The following SKAP1 variants were observed in gnomAD, a reference collection of about 807,000 sequenced individuals.
The protein encoded by SKAP1 is src kinase-associated phosphoprotein 1.
Under a neutral mutation model 58.5 loss-of-function variants are expected in SKAP1, and 44 were observed. That is an observed-to-expected ratio of 0.75 (90% confidence interval 0.59 to 0.97). SKAP1 has a LOEUF of 0.97. SKAP1 is among the 50% of genes least tolerant of loss of function. SKAP1 has a pLI of 0.00. For missense variants in SKAP1, 390 were observed against 435.2 expected, an observed-to-expected ratio of 0.90 and a Z score of 0.92; for synonymous variants, 127 against 149.7, an observed-to-expected ratio of 0.85 and a Z score of 1.11.
intron 1 of SKAP1, among the ~76,000 whole-genome samples, chr17:48,418,941 G>A (rs1414944090): frequency 6.6e-6 from 1 of 152,082 alleles, no homozygotes; most frequent in Non-Finnish European, 1.5e-5. Context: ...AGGTGGTGTG[G>A]GTGTATATTG....
At chr17:48,205,062 TTCTC>T (rs1288034520) in intron 4 of SKAP1, among the ~76,000 whole-genome samples, 14 of 111,476 alleles carry the variant, frequency 1.3e-4, no homozygotes, top group South Asian at 6.2e-4. Flanking sequence ...TCTTTCTTCT[TTCTC>T]TCTCTCTCTT....
intron 4 of SKAP1, among the ~76,000 whole-genome samples, chr17:48,338,633 C>T (rs955426434): frequency 6.6e-6 from 1 of 152,096 alleles, no homozygotes; most frequent in African/African-American, 2.4e-5. Flanking sequence ...GTCCAGCTAT[C>T]AACACATGTG....
chr17:48,299,144 C>T (rs1338786315), intron 4 of SKAP1, among the ~76,000 whole-genome samples: 1 of 152,188 alleles, frequency 6.6e-6, no homozygotes, highest in African/African-American at 2.4e-5. Context: ...CAGCATAAAC[C>T]ATATTTCAGT....
chr17:48,188,675 G>A (rs991864426), intron 5 of SKAP1, among the ~76,000 whole-genome samples: 2 of 151,110 alleles, frequency 1.3e-5, no homozygotes, highest in Non-Finnish European at 2.9e-5. Flanking sequence ...AATAGAGGGA[G>A]ATCCTATCTT....
chr17:48,310,990 T>C (rs1204915602), intron 4 of SKAP1, among the ~76,000 whole-genome samples: 1 of 152,246 alleles, frequency 6.6e-6, no homozygotes, highest in Non-Finnish European at 1.5e-5. Flanking sequence ...GACCTGCCGC[T>C]GGTACTATCC....
At chr17:48,261,489 G>A (rs1034426304) in intron 4 of SKAP1, among the ~76,000 whole-genome samples, 2 of 152,122 alleles carry the variant, frequency 1.3e-5, no homozygotes, top group African/African-American at 2.4e-5. Flanking sequence ...GGCGTTTTAC[G>A]CTGAGGATGC....
chr17:48,221,007 G>A (rs990269011), intron 4 of SKAP1, among the ~76,000 whole-genome samples: 2 of 151,934 alleles, frequency 1.3e-5, no homozygotes, highest in African/African-American at 4.8e-5. Flanking sequence ...GGTGGCTCAC[G>A]CCTGTAATCC....
chr17:48,194,673 C>G (rs1311418792), intron 4 of SKAP1, among the ~76,000 whole-genome samples: 1 of 152,206 alleles, frequency 6.6e-6, no homozygotes, highest in Non-Finnish European at 1.5e-5. Flanking sequence ...CTAAATCATC[C>G]TGAAAGGAAA....
At chr17:48,238,330 C>T (rs951944039) in intron 4 of SKAP1, among the ~76,000 whole-genome samples, 1 of 152,096 alleles carries the variant, frequency 6.6e-6, no homozygotes, top group South Asian at 2.1e-4. Flanking sequence ...TTCTATCTCA[C>T]CAAGCTTCTG....
chr17:48,141,962 G>A (rs753079969), intron 11 of SKAP1, among the ~76,000 whole-genome samples: 49 of 152,106 alleles, frequency 3.2e-4, no homozygotes, highest in Non-Finnish European at 1.5e-4. Context: ...CTGACTGTGT[G>A]GGGTCCCGGT....
chr17:48,148,933 C>A (rs990920603), intron 11 of SKAP1, among the ~76,000 whole-genome samples: 18 of 152,252 alleles, frequency 1.2e-4, no homozygotes, highest in Non-Finnish European at 2.1e-4. Flanking sequence ...TTATTAATCT[C>A]GATTCTCTCA....
intron 4 of SKAP1, among the ~76,000 whole-genome samples, chr17:48,262,542 G>A (rs2065496670): frequency 6.6e-6 from 1 of 152,052 alleles, no homozygotes; most frequent in African/African-American, 2.4e-5. Flanking sequence ...GTATATTTCT[G>A]TTTGATGAGT....
rs140756892 is a variant in SKAP1, at chr17:48,414,898, A to G, written c.46+15177T>C. Among the ~76,000 whole-genome samples the G allele has an allele frequency of 8.5e-3, 1,296 of 152,306 alleles. 24 individuals carry two copies. The highest frequency in any genetic ancestry group is 7.5e-3 in the Non-Finnish European group (507 of 68,032). On this transcript the variant is annotated intron_variant, in intron 1 of 12. Coordinates refer to ENST00000336915, the MANE Select transcript of SKAP1 (RefSeq NM_003726.4). ...ATTCTCTCATCTTGTACATTCACAA[A>G]GCTGCTCTTCTGTTTATTTAGAGGA...
intron 1 of SKAP1, among the ~76,000 whole-genome samples, chr17:48,424,044 A>G (rs1321270887): frequency 6.6e-6 from 1 of 152,206 alleles, no homozygotes; most frequent in Non-Finnish European, 1.5e-5. Context: ...CTATAACAAA[A>G]TACTACAAAC....
chr17:48,213,713 A>G (rs2064903837), intron 4 of SKAP1, among the ~76,000 whole-genome samples: 1 of 152,200 alleles, frequency 6.6e-6, no homozygotes, highest in Non-Finnish European at 1.5e-5. Flanking sequence ...CTATGTGTTG[A>G]GGAAAATCAT....
chr17:48,435,993 C>T, the SKAP1 span, among the ~76,000 whole-genome samples: 3 of 152,134 alleles, frequency 2.0e-5, no homozygotes, highest in African/African-American at 7.2e-5. Flanking sequence ...TAGTGGATAT[C>T]GTTGGTCCTC....
chr17:48,391,134 TC>T (rs1434038960), intron 2 of SKAP1, among the ~76,000 whole-genome samples: 1 of 152,114 alleles, frequency 6.6e-6, no homozygotes, highest in Admixed American at 6.6e-5. Context: ...TTTCTGAACT[TC>T]AATCTAAAAT....
At chr17:48,360,194 T>C (rs1342884324) in intron 3 of SKAP1, among the ~76,000 whole-genome samples, 1 of 152,152 alleles carries the variant, frequency 6.6e-6, no homozygotes, top group Non-Finnish European at 1.5e-5. Context: ...CCTAGATTTT[T>C]ATTTAAATAT....
intron 2 of SKAP1, among the ~76,000 whole-genome samples, chr17:48,395,909 C>T (rs187091708): frequency 1.3e-5 from 2 of 152,134 alleles, no homozygotes; most frequent in African/African-American, 2.4e-5. Context: ...CTGTCAGCCA[C>T]GCAAATTAAA....
Sources: allele counts gnomAD v4.1 joint callset (sites outside exome capture counted in the v4.1 genomes callset), GRCh38; gene constraint gnomAD v4.1.1; transcripts MANE v1.5; gene names NCBI Gene and HGNC (gene_info 2026-07-23, HGNC 2026-07-21).